The following SYT1 variants were observed in gnomAD, a reference collection of about 807,000 sequenced individuals.
SYT1 encodes the protein synaptotagmin 1, also known as synaptotagmin-1.
A neutral mutation model predicts 44.8 loss-of-function variants in SYT1; 8 were observed. The observed-to-expected ratio is 0.18, with a 90% CI of 0.10 to 0.32. The LOEUF (loss-of-function observed/expected upper bound fraction) is 0.32. SYT1 is among the 10% of genes least tolerant of loss of function. SYT1 has a pLI of 1.00. For synonymous variants in SYT1, 154 were observed against 188.8 expected (o/e 0.82, Z 1.51); for missense variants, 286 against 509.3 (o/e 0.56, Z 4.22).
intron 3 of SYT1, among the ~76,000 whole-genome samples, chr12:79,180,823 G>A (rs1872492964): frequency 6.6e-6 from 1 of 152,030 alleles, no homozygotes. Flanking sequence ...TGGTTTGGCT[G>A]TGTCCCCCAG....
At chr12:79,264,691 G>A (rs1320935567) in intron 4 of SYT1, among the ~76,000 whole-genome samples, 1 of 152,132 alleles carries the variant, frequency 6.6e-6, no homozygotes, top group Non-Finnish European at 1.5e-5. Flanking sequence ...AGCTGGAATG[G>A]CTAATTATTG....
chr12:78,891,046 A>G (rs1458881262), intron 1 of SYT1, among the ~76,000 whole-genome samples: 2 of 151,902 alleles, frequency 1.3e-5, no homozygotes, highest in East Asian at 3.9e-4. Context: ...CACCCAAACT[A>G]TAATATTCTT....
chr12:79,241,323 T>A (rs1370119383), intron 4 of SYT1, among the ~76,000 whole-genome samples: 2 of 152,070 alleles, frequency 1.3e-5, no homozygotes, highest in Admixed American at 6.5e-5. Context: ...CAGGCTGGAG[T>A]GCAGTGGCAC....
chr12:78,921,220 T>C (rs1239374730), intron 1 of SYT1, among the ~76,000 whole-genome samples: 1 of 151,966 alleles, frequency 6.6e-6, no homozygotes, highest in Non-Finnish European at 1.5e-5. Flanking sequence ...GGGAATACTT[T>C]AGAGTAGAAA....
chr12:79,383,708 G>A (rs1245764), intron 9 of SYT1, among the ~76,000 whole-genome samples: 68,437 of 151,886 alleles, frequency 0.45, 18,509 homozygotes, highest in African/African-American at 0.76. Flanking sequence ...TCATCTTATA[G>A]GGAGTGAATC....
chr12:79,212,254 C>T (rs980377380), intron 3 of SYT1, among the ~76,000 whole-genome samples: 23 of 152,056 alleles, frequency 1.5e-4, no homozygotes, highest in Admixed American at 1.3e-3. Flanking sequence ...AGCAAACTAA[C>T]ACAGGAACAG....
chr12:79,158,528 GACC>G (rs1454192319), intron 3 of SYT1, among the ~76,000 whole-genome samples: 1 of 152,064 alleles, frequency 6.6e-6, no homozygotes, highest in Non-Finnish European at 1.5e-5. Flanking sequence ...GTAGTTTGGG[GACC>G]CCTGCTATAA....
intron 1 of SYT1, among the ~76,000 whole-genome samples, chr12:78,950,682 T>C (rs1035587041): frequency 8.5e-5 from 13 of 152,122 alleles, no homozygotes; most frequent in African/African-American, 2.9e-4. Flanking sequence ...GTCAACAAAC[T>C]GCAGGAAAGG....
intron 3 of SYT1, among the ~76,000 whole-genome samples, chr12:79,048,374 A>T (rs1874230119): frequency 6.6e-6 from 1 of 151,836 alleles, no homozygotes; most frequent in Admixed American, 6.6e-5. Flanking sequence ...TGATGCATAA[A>T]TTACATCTTA....
chr12:79,384,134 A>G (rs1415790096), intron 9 of SYT1, among the ~76,000 whole-genome samples: 4 of 152,292 alleles, frequency 2.6e-5, no homozygotes, highest in East Asian at 3.9e-4. Flanking sequence ...CTCCACATGC[A>G]TCATGTTTCT....
chr12:78,928,408 C>T (rs140756522), intron 1 of SYT1, among the ~76,000 whole-genome samples: 134 of 152,214 alleles, frequency 8.8e-4, no homozygotes, highest in African/African-American at 3.0e-3. Context: ...TCCTTCTTCC[C>T]GATTTCATGA....
intron 1 of SYT1, among the ~76,000 whole-genome samples, chr12:78,923,331 G>T (rs1490373412): frequency 6.6e-6 from 1 of 151,888 alleles, no homozygotes; most frequent in Non-Finnish European, 1.5e-5. Context: ...CTATATCAAA[G>T]CTCTTCAGTG....
At chr12:79,277,815 G>A (rs1451514675) in intron 4 of SYT1, among the ~76,000 whole-genome samples, 1 of 151,754 alleles carries the variant, frequency 6.6e-6, no homozygotes, top group Non-Finnish European at 1.5e-5. Context: ...TAAAAGAGTG[G>A]GAAAATATAT....
In SYT1 at chr12:79,338,840, G is replaced by A. The variant is rs549683875; in HGVS notation, c.811-14662G>A. Among the ~76,000 whole-genome samples the A allele has an allele frequency of 2.6e-5, 4 of 151,700 alleles. No individual in the cohort carries two copies. In the East Asian group the frequency reaches 7.8e-4, roughly 29 times the overall value. ...CCCCCATCCCCCGACCCCACAACAG[G>A]CCCGTGTGTGATGTTCCCCACCCTG... is the stretch of plus-strand genomic sequence containing the variant. On this transcript the variant is annotated intron_variant, in intron 8 of 10. Coordinates refer to ENST00000261205, the MANE Select transcript of SYT1 (RefSeq NM_005639.3).
At position 79,106,220 on chromosome 12, in the gene SYT1, C is replaced by T. The variant is rs1350170152; in HGVS notation, c.-18+58858C>T. On this transcript the variant is annotated intron_variant, in intron 3 of 10. Transcript: ENST00000261205. The stretch of plus-strand genomic sequence containing the variant: ...ATTTTAGCTGCAGCTTTCAGATTGC[C>T]GGTTGGATTGTCAAGAGAAAAGAAT... Among the ~76,000 whole-genome samples, 4 of 151,996 alleles carry T rather than the reference C, an allele frequency of 2.6e-5. No individual in the cohort carries two copies. In the East Asian group the frequency reaches 5.8e-4, roughly 22 times the overall value.
chr12:78,941,065 C>CTTT (rs398044555), intron 1 of SYT1, among the ~76,000 whole-genome samples: 11 of 68,462 alleles, frequency 1.6e-4, no homozygotes, highest in African/African-American at 4.0e-4. Flanking sequence ...CTTTTTTTTT[C>CTTT]TTTTTTTTTT....
chr12:78,932,361 G>A (rs1318624871), intron 1 of SYT1, among the ~76,000 whole-genome samples: 1 of 152,086 alleles, frequency 6.6e-6, no homozygotes, highest in Non-Finnish European at 1.5e-5. Context: ...GCATATAAGT[G>A]GGAAATATGT....
chr12:78,969,772 T>C (rs555349136), intron 1 of SYT1, among the ~76,000 whole-genome samples: 1 of 152,300 alleles, frequency 6.6e-6, no homozygotes, highest in African/African-American at 2.4e-5. Flanking sequence ...CTGAAGATTT[T>C]AAATGGGGAG....
chr12:79,221,355 C>T (rs1037780737), intron 4 of SYT1, among the ~76,000 whole-genome samples: 5 of 152,038 alleles, frequency 3.3e-5, no homozygotes, highest in Non-Finnish European at 2.9e-5. Context: ...TTTTAAAATC[C>T]ATTCAGTCAT....
Sources: allele counts gnomAD v4.1 joint callset (sites outside exome capture counted in the v4.1 genomes callset), GRCh38; gene constraint gnomAD v4.1.1; transcripts MANE v1.5; gene names NCBI Gene and HGNC (gene_info 2026-07-23, HGNC 2026-07-21).